SLC22A12: variants seen among roughly 807,000 people sequenced by gnomAD.
SLC22A12 encodes organic anion transporter 4-like protein.
In SLC22A12, 56 loss-of-function variants were observed where a neutral mutation model predicts 52.7. The observed-to-expected ratio is 1.06, with a 90% CI of 0.86 to 1.33. The LOEUF (loss-of-function observed/expected upper bound fraction) is 1.33, where lower values mean the gene tolerates loss of function less well. SLC22A12 is among the 40% of genes most tolerant of loss of function. SLC22A12 has a pLI of 0.00. For synonymous variants in SLC22A12, 337 were observed against 324.6 expected, an observed-to-expected ratio of 1.04 and a Z score of -0.41; for missense variants, 683 against 741.5, an observed-to-expected ratio of 0.92 and a Z score of 0.92.
intron 7 of SLC22A12, 42 bp from the exon 8 acceptor site, chr11:64,600,325 T>C: frequency 1.1e-5 from 16 of 1,472,010 alleles, no homozygotes; most frequent in Non-Finnish European, 1.5e-5. Flanking sequence ...CATCTGATCT[T>C]GGGCCCCCCA....
Position 64,591,755 on chromosome 11 carries a change from T to G in SLC22A12, c.199T>G (p.Leu67Val). The G allele has an allele frequency of 6.2e-7, 1 of 1,612,976 alleles. No homozygotes were observed. The highest frequency in any genetic ancestry group is 1.6e-4 in the Middle Eastern group (1 of 6,062). Residue 67 changes from leucine to valine, a missense_variant, in exon 1 of 10, where the codon TTG becomes GTG. By Grantham distance (32) the Leu-to-Val change is conservative. Transcript: ENST00000377574. ...STAQASILGSLSPEALLAISI... is the reference protein window; with the variant it reads ...STAQASILGSVSPEALLAISI... ...GGCTCAGGCCAGCATCCTAGGGAGC[T>G]TGAGTCCTGAGGCCCTCCTGGCTAT... is the stretch of plus-strand genomic sequence containing the variant.
At position 64,594,682 on chromosome 11, in the gene SLC22A12, C is replaced by CGGATGGATGGATGGAT. The variant is rs200147816; in HGVS notation, c.830+907_830+922dup. 9.0e-4 allele frequency among the ~76,000 whole-genome samples: 121 copies of CGGATGGATGGATGGAT among 135,060 alleles called. 2 individuals are homozygous for CGGATGGATGGATGGAT. The highest frequency in any genetic ancestry group is 3.8e-3 in the East Asian group (16 of 4,256). 88.6% of individuals were successfully genotyped at this position (135,060 alleles called of 152,430 possible). Reference sequence around the variant, plus strand: ...TGGATGGTTGGAATAGATGGATGGACGGATGGATGGATGGATGGATGGATG... The same window carrying CGGATGGATGGATGGAT: ...TGGATGGTTGGAATAGATGGATGGACGGATGGATGGATGGATGGATGGATGGATGGATGGATGGATG... On this transcript the variant is annotated intron_variant, in intron 4 of 9. Transcript: ENST00000377574.
At position 64,591,512 on chromosome 11, in the gene SLC22A12, C is replaced by G. The variant is rs201365068; in HGVS notation, c.-45C>G. ...CCCTGGCCTCTTTGCCCTGGGCCAGCCTTTGTGAAGTGGGCCCCTCTTCTG... is the reference window on the plus strand; with the variant it reads ...CCCTGGCCTCTTTGCCCTGGGCCAGGCTTTGTGAAGTGGGCCCCTCTTCTG... On this transcript the variant is annotated 5_prime_UTR_variant, in exon 1 of 10. Transcript: ENST00000377574. 403 of 1,604,988 alleles carry G rather than the reference C, an allele frequency of 2.5e-4. 3 individuals are homozygous for G. The East Asian group carries it at 7.9e-3, about 32-fold the overall frequency.
chr11:64,592,827 A>G lies in SLC22A12; in HGVS notation c.451A>G (p.Ile151Val), dbSNP rs760851687. 3 of 1,613,796 alleles carry G rather than the reference A, an allele frequency of 1.9e-6. No individual in the cohort carries two copies. Among genetic ancestry groups the G allele is most frequent in the African/African-American group, 2.7e-5 (2 of 74,898 alleles). Residue 151 changes from isoleucine (I) to valine (V), a missense_variant, in exon 2 of 10, where the codon ATC becomes GTC. By Grantham distance (29) the Ile-to-Val change is conservative. Transcript: ENST00000377574. ...SHALKPMAQS[I>V]YLAGILVGAA... ...TGCTCTGAAGCCCATGGCCCAGTCC[A>G]TCTACCTGGCTGGGATTCTGGTGGG...
chr11:64,597,864 G>C (rs1429461161), intron 4 of SLC22A12, among the ~76,000 whole-genome samples: 2 of 152,170 alleles, frequency 1.3e-5, no homozygotes, highest in Non-Finnish European at 2.9e-5. Context: ...CCACAAGGAG[G>C]GGAGGTGCTG....
Position 64,601,986 on chromosome 11 carries a change from A to G in SLC22A12, c.*435A>G. ...AGCTCCACACAAGCAGTAGAGTCTCAGCTCCACAGCTTTACCCAGAAGCCC... is the reference window on the plus strand; with the variant it reads ...AGCTCCACACAAGCAGTAGAGTCTCGGCTCCACAGCTTTACCCAGAAGCCC... On this transcript the variant is annotated 3_prime_UTR_variant, in exon 10 of 10. Coordinates refer to ENST00000377574, the MANE Select transcript of SLC22A12 (RefSeq NM_144585.4). The G allele has an allele frequency of 6.7e-6, 2 of 297,450 alleles. No homozygotes were observed. The highest frequency in any genetic ancestry group is 1.3e-5 in the Non-Finnish European group (2 of 150,774). 18.4% of individuals were successfully genotyped at this position (297,450 alleles called of 1,614,324 possible).
At chr11:64,594,193 G>A (rs979257142) in intron 4 of SLC22A12, among the ~76,000 whole-genome samples, 7 of 152,252 alleles carry the variant, frequency 4.6e-5, no homozygotes, top group Non-Finnish European at 1.0e-4. Flanking sequence ...GGCTAGGGGA[G>A]CGAGTGGAAA....
At position 64,601,626 on chromosome 11, in the gene SLC22A12, C is replaced by G. The variant is rs1430335384; in HGVS notation, c.*75C>G. 1.6e-5 allele frequency: 24 copies of G among 1,518,674 alleles called. No individual in the cohort carries two copies. Among genetic ancestry groups the G allele is most frequent in the Non-Finnish European group, 2.2e-5 (24 of 1,102,568 alleles). 94.1% of individuals were successfully genotyped at this position (1,518,674 alleles called of 1,614,324 possible). On this transcript the variant is annotated 3_prime_UTR_variant, in exon 10 of 10. Coordinates refer to ENST00000377574, the MANE Select transcript of SLC22A12 (RefSeq NM_144585.4). ...TTCTCTGGAGAAGGCAGGAGGAAAGCAAAGACCTCCATTTCCAGAGGCCCA... is the reference window on the plus strand; with the variant it reads ...TTCTCTGGAGAAGGCAGGAGGAAAGGAAAGACCTCCATTTCCAGAGGCCCA...
chr11:64,595,364 TGGA>T, intron 4 of SLC22A12, among the ~76,000 whole-genome samples: 1 of 41,360 alleles, frequency 2.4e-5, no homozygotes, highest in Non-Finnish European at 1.1e-4. Context: ...GATGGATGGA[TGGA>T]TGGATGGATG....
intron 4 of SLC22A12, among the ~76,000 whole-genome samples, chr11:64,595,810 T>C (rs1461065180): frequency 7.2e-6 from 1 of 139,186 alleles, no homozygotes; most frequent in Non-Finnish European, 1.5e-5. Flanking sequence ...ATGATTGGAA[T>C]AGATGGATGG....
intron 4 of SLC22A12, among the ~76,000 whole-genome samples, chr11:64,595,932 ATGG>A (rs2039178185): frequency 6.7e-4 from 8 of 11,912 alleles, no homozygotes; most frequent in Admixed American, 1.8e-3. Flanking sequence ...AGATGGATGG[ATGG>A]ATGGATGGAT....
chr11:64,598,867 C>T lies in SLC22A12; in HGVS notation c.1014C>T (p.Gly338=), dbSNP rs772206171. The change falls in exon 6 of 10, where the codon GGC becomes GGT. Residue 338 remains glycine (G), a synonymous_variant. Coordinates refer to ENST00000377574, the MANE Select transcript of SLC22A12 (RefSeq NM_144585.4). ...LSMGQPPASL[G]TLLRMPGLRF... is the part of the protein sequence containing the mutation. ...TGGGCCAGCCTCCTGCCAGCCTGGG[C>T]ACCCTGCTCCGCATGCCCGGACTGC... 5.0e-6 allele frequency: 8 copies of T among 1,612,758 alleles called. No individual in the cohort carries two copies. The African/African-American group carries it at 9.3e-5, about 19-fold the overall frequency.
chr11:64,598,781 C>T (rs775356482), intron 5 of SLC22A12, 27 bp from the exon 6 acceptor site: 1 of 1,611,764 alleles, frequency 6.2e-7, no homozygotes, highest in Non-Finnish European at 8.5e-7. Context: ...CCCCCAGTGC[C>T]AACAGCACCC....
rs768303998 is a variant in SLC22A12, at chr11:64,598,863, T to A, written c.1010T>A (p.Leu337Gln). ...ELSMGQPPAS[L>Q]GTLLRMPGLR... ...AGCATGGGCCAGCCTCCTGCCAGCC[T>A]GGGCACCCTGCTCCGCATGCCCGGA... The change falls in exon 6 of 10, where the codon CTG (leucine) becomes CAG (glutamine). Residue 337 changes from leucine (L) to glutamine (Q), a missense_variant. Leu to Gln is a moderately radical substitution (Grantham distance 113, BLOSUM62 -2). Transcript: ENST00000377574. The A allele has an allele frequency of 5.0e-6, 8 of 1,612,738 alleles. No homozygotes were observed. Among genetic ancestry groups the A allele is most frequent in the Non-Finnish European group, 6.8e-6 (8 of 1,179,986 alleles).
At chr11:64,594,238 C>T (rs2039014624) in intron 4 of SLC22A12, among the ~76,000 whole-genome samples, 1 of 152,200 alleles carries the variant, frequency 6.6e-6, no homozygotes, top group Non-Finnish European at 1.5e-5. Flanking sequence ...AGCGCACAGC[C>T]GCAGTCTGCT....
chr11:64,593,060 C>A (rs535983046), intron 2 of SLC22A12, among the ~76,000 whole-genome samples, 178 bp downstream of exon 2: 1 of 152,212 alleles, frequency 6.6e-6, no homozygotes, highest in Non-Finnish European at 1.5e-5. Context: ...AGGTCTGGAA[C>A]CTTCTCTGAA....
chr11:64,600,087 A>C (rs1375889090), intron 7 of SLC22A12, among the ~76,000 whole-genome samples, 197 bp downstream of exon 7: 3 of 152,182 alleles, frequency 2.0e-5, no homozygotes, highest in Non-Finnish European at 4.4e-5. Context: ...GGGTGGCACC[A>C]GGGAAAAGTG....
Position 64,591,722 on chromosome 11 carries a change from A to G in SLC22A12, c.166A>G (p.Asn56Asp). ...CCGCTGCTGGGCACCCCTCCTGGAC[A>G]ACAGCACGGCTCAGGCCAGCATCCT... ...SHRCWAPLLD[N>D]STAQASILGS... The change falls in exon 1 of 10, where the codon AAC (asparagine) becomes GAC (aspartate). Residue 56 changes from asparagine (N) to aspartate (D), a missense_variant. Physicochemically the swap from Asn to Asp is conservative, Grantham distance 23. Transcript: ENST00000377574. 1.2e-6 allele frequency: 2 copies of G among 1,612,720 alleles called. No individual in the cohort carries two copies. Among genetic ancestry groups the G allele is most frequent in the Non-Finnish European group, 1.7e-6 (2 of 1,180,014 alleles).
chr11:64,591,476 C>T lies in SLC22A12; in HGVS notation c.-81C>T, dbSNP rs773569846. On this transcript the variant is annotated 5_prime_UTR_variant, in exon 1 of 10. Transcript: ENST00000377574. ...ACTGTGGGCACCACCGTGGGGGAAA[C>T]AGGCCCGTTGCCCTGGCCTCTTTGC... 4.3e-5 allele frequency: 68 copies of T among 1,578,156 alleles called. No individual in the cohort carries two copies. The highest frequency in any genetic ancestry group is 5.6e-5 in the Non-Finnish European group (65 of 1,163,068).
Sources: gnomAD v4.1 joint callset for allele counts (sites outside exome capture counted in the v4.1 genomes callset) on GRCh38, gnomAD v4.1.1 for gene constraint, MANE v1.5 for transcripts, NCBI Gene and HGNC (gene_info 2026-07-23, HGNC 2026-07-21) for gene names.